EPPK1: variants seen among roughly 807,000 people sequenced by gnomAD.
EPPK1 encodes the protein epiplakin.
For synonymous variants in EPPK1, 1,862 were observed against 1,721.2 expected (o/e 1.08, Z -2.03); for missense variants, 3,823 against 3,673.3 (o/e 1.04, Z -1.05).
Position 143,873,179 on chromosome 8 carries a change from G to C in EPPK1, c.75C>G (p.Ala25=), listed in dbSNP as rs376669804. 1 of 1,596,118 alleles carries C rather than the reference G, an allele frequency of 6.3e-7. No individual in the cohort carries two copies. Among genetic ancestry groups the C allele is most frequent in the South Asian group, 1.1e-5 (1 of 88,536 alleles). The change falls in exon 2 of 2, where the codon GCC becomes GCG. Residue 25 remains alanine, a synonymous_variant. Transcript: ENST00000615648. ...NSTEQASVPR[A]MAATLGAGTP... is the part of the protein sequence containing the mutation. ...TGCCGGCTCCCAGCGTGGCTGCCAT[G>C]GCTCTGGGTACACTGGCCTGCTCTG...
At position 143,870,587 on chromosome 8, in the gene EPPK1, G is replaced by A; in HGVS notation, c.2667C>T (p.Val889=). 1.2e-6 allele frequency: 2 copies of A among 1,609,966 alleles called. No individual in the cohort carries two copies. The highest frequency in any genetic ancestry group is 1.7e-6 in the Non-Finnish European group (2 of 1,178,924). ...TGATACCGGCCTCCAGGAGCTGGTG[G>A]ACGGTGACCCGGCTCCGCAGTGCGG... is the stretch of plus-strand genomic sequence containing the variant. ...MLPALRSRVT[V]HQLLEAGIID... is the part of the protein sequence containing the mutation. The change falls in exon 2 of 2, where the codon GTC becomes GTT. Residue 889 remains valine, a synonymous_variant. Coordinates refer to ENST00000615648, the MANE Select transcript of EPPK1 (RefSeq NM_031308.4). The surrounding 1 kb of genome is among the most constrained non-coding windows in gnomAD (Gnocchi z 5.2).
chr8:143,868,009 C>G lies in EPPK1; in HGVS notation c.5245G>C (p.Asp1749His), dbSNP rs1465476273. 4.3e-6 allele frequency: 7 copies of G among 1,613,562 alleles called. No homozygotes were observed. The highest frequency in any genetic ancestry group is 1.7e-5 in the Admixed American group (1 of 59,998). Reference sequence around the variant, plus strand: ...AGCAGGTACAGGCCCGTCTCGGGGTCCTCCACACAGCGCTCCAGAAGCTGC... The same window carrying G: ...AGCAGGTACAGGCCCGTCTCGGGGTGCTCCACACAGCGCTCCAGAAGCTGC... Reference protein sequence around the residue: ...YLQLLERCVEDPETGLYLLQI... With the variant: ...YLQLLERCVEHPETGLYLLQI... The change falls in exon 2 of 2, where the codon GAC becomes CAC. Residue 1749 changes from aspartate to histidine, a missense_variant. Asp to His is a moderately conservative substitution (Grantham distance 81). Transcript: ENST00000615648.
At chr8:143,874,372 G>A (rs1819440275) in intron 1 of EPPK1, among the ~76,000 whole-genome samples, 1 of 152,260 alleles carries the variant, frequency 6.6e-6, no homozygotes, top group African/African-American at 2.4e-5. Context: ...TTGGAAATAG[G>A]ATCTTTGCAG....
chr8:143,867,619 C>A lies in EPPK1; in HGVS notation c.5635G>T (p.Gly1879Trp). ...TCCAGCGTGCTGAGTGCCTGTCCCC[C>A]AGTCCTCCCCACACGAAGTGTGTGC... is the stretch of plus-strand genomic sequence containing the variant. ...TLHTLRVGRT[G>W]GQALSTLECV... Residue 1879 changes from glycine to tryptophan, a missense_variant, in exon 2 of 2, where the codon GGG becomes TGG. Physicochemically the swap from Gly to Trp is radical, Grantham distance 184. Coordinates refer to ENST00000615648, the MANE Select transcript of EPPK1 (RefSeq NM_031308.4). 6.2e-7 allele frequency: 1 copy of A among 1,613,308 alleles called. No homozygotes were observed. The highest frequency in any genetic ancestry group is 8.5e-7 in the Non-Finnish European group (1 of 1,179,872).
Position 143,870,984 on chromosome 8 carries a change from A to G in EPPK1, c.2270T>C (p.Leu757Pro), listed in dbSNP as rs1328168315. The change falls in exon 2 of 2, where the codon CTG becomes CCG. Residue 757 changes from leucine to proline, a missense_variant. Leu to Pro is a moderately conservative substitution (Grantham distance 98, BLOSUM62 -3). Transcript: ENST00000615648. The surrounding 1 kb of genome is among the most constrained non-coding windows in gnomAD (Gnocchi z 5.2). ...CTTGGTGTCGTCAGAAGGGTCCAAC[A>G]GGATCAAGTTCAGCATCTGATCGAA... The part of the protein sequence containing the change: ...GYFDQMLNLI[L>P]LDPSDDTKGF... 6.2e-6 allele frequency: 10 copies of G among 1,613,334 alleles called. No homozygotes were observed. The highest frequency in any genetic ancestry group is 3.3e-5 in the Admixed American group (2 of 60,008).
rs1282693786 is a variant in EPPK1 at position 143,867,598 on chromosome 8, G to A, written c.5656C>T (p.Leu1886=). ...TCCAGATAGGGCTTCACACACTCCA[G>A]CGTGCTGAGTGCCTGTCCCCCAGTC... ...GRTGGQALST[L]ECVKPYLEGS... Residue 1886 remains leucine, a synonymous_variant, in exon 2 of 2, where the codon CTG becomes TTG. Coordinates refer to ENST00000615648, the MANE Select transcript of EPPK1 (RefSeq NM_031308.4). 1.2e-6 allele frequency: 2 copies of A among 1,613,156 alleles called. No homozygotes were observed. Among genetic ancestry groups the A allele is most frequent in the Admixed American group, 1.7e-5 (1 of 60,016 alleles).
rs1554660032 is a variant in EPPK1 at position 143,868,684 on chromosome 8, G to A, written c.4570C>T (p.Leu1524Phe). 4.4e-6 allele frequency: 7 copies of A among 1,580,692 alleles called. No homozygotes were observed. In the East Asian group the frequency reaches 1.6e-4, roughly 37 times the overall value. The change falls in exon 2 of 2, where the codon CTC becomes TTC. Residue 1524 changes from leucine (L) to phenylalanine (F), a missense_variant. Leu to Phe is a conservative substitution (Grantham distance 22, BLOSUM62 0). Coordinates refer to ENST00000615648, the MANE Select transcript of EPPK1 (RefSeq NM_031308.4). ...RQPLQATFRG[L>F]RKQVSARDLF... The stretch of plus-strand genomic sequence containing the variant: ...TCCCTGGCTGACACCTGCTTCCGGA[G>A]CCCTCTGAAGGTGGCCTGCAGGGGC...
chr8:143,867,622 T>A lies in EPPK1; in HGVS notation c.5632A>T (p.Thr1878Ser). ...KTLHTLRVGR[T>S]GGQALSTLEC... ...AGCGTGCTGAGTGCCTGTCCCCCAG[T>A]CCTCCCCACACGAAGTGTGTGCAGG... Residue 1878 changes from threonine (T) to serine (S), a missense_variant, in exon 2 of 2, where the codon ACT becomes TCT. By Grantham distance (58) the Thr-to-Ser change is moderately conservative. Coordinates refer to ENST00000615648, the MANE Select transcript of EPPK1 (RefSeq NM_031308.4). 1 of 1,613,242 alleles carries A rather than the reference T, an allele frequency of 6.2e-7. No individual in the cohort carries two copies. Among genetic ancestry groups the A allele is most frequent in the Non-Finnish European group, 8.5e-7 (1 of 1,179,850 alleles).
Position 143,867,208 on chromosome 8 carries a change from C to A in EPPK1, c.6046G>T (p.Val2016Phe), listed in dbSNP as rs782200809. The change falls in exon 2 of 2, where the codon GTC becomes TTC. Residue 2016 changes from valine to phenylalanine, a missense_variant. By Grantham distance (50) the Val-to-Phe change is conservative. Transcript: ENST00000615648. ...LLEVQVATGGVIDPQHHHRLP... is the reference protein window; with the variant it reads ...LLEVQVATGGFIDPQHHHRLP... ...CGGTGGTGGTGCTGTGGGTCGATGA[C>A]ACCCCCCGTGGCCACCTGCACCTCC... 1 of 1,612,770 alleles carries A rather than the reference C, an allele frequency of 6.2e-7. No homozygotes were observed. The highest frequency in any genetic ancestry group is 2.2e-5 in the East Asian group (1 of 44,888).
chr8:143,866,396 G>C lies in EPPK1; in HGVS notation c.6858C>G (p.Ala2286=). The change falls in exon 2 of 2, where the codon GCC becomes GCG. Residue 2286 remains alanine, a synonymous_variant. Transcript: ENST00000615648. ...VRNLRLSVEE[A]VAAGVVGGEI... ...CGCCGCCCACCACGCCCGCGGCCAC[G>C]GCCTCCTCCACCGACAGCCTCAGGT... 1.9e-6 allele frequency: 2 copies of C among 1,072,424 alleles called. No individual in the cohort carries two copies. The highest frequency in any genetic ancestry group is 1.3e-6 in the Non-Finnish European group (1 of 780,328). 66.4% of individuals were successfully genotyped at this position (1,072,424 alleles called of 1,614,324 possible).
rs1281067747 is a variant in EPPK1 at position 143,866,589 on chromosome 8, C to T, written c.6665G>A (p.Gly2222Asp). 5.6e-6 allele frequency: 9 copies of T among 1,612,100 alleles called. No individual in the cohort carries two copies. In the African/African-American group the frequency reaches 1.1e-4, roughly 19 times the overall value. Reference sequence around the variant, plus strand: ...CAGGACGCCCGCGATGCAGCTGGTGCCCTCCAGGTAGCGCTTGACGCGGTC... The same window carrying T: ...CAGGACGCCCGCGATGCAGCTGGTGTCCTCCAGGTAGCGCTTGACGCGGTC... ...EDDRVKRYLE[G>D]TSCIAGVLVP... Residue 2222 changes from glycine (G) to aspartate (D), a missense_variant, in exon 2 of 2, where the codon GGC becomes GAC. Transcript: ENST00000615648.
rs1554657997 is a variant in EPPK1 at position 143,858,124 on chromosome 8, G to C, written c.15130C>G (p.Leu5044Val). 1.2e-6 allele frequency: 2 copies of C among 1,613,422 alleles called. No homozygotes were observed. The highest frequency in any genetic ancestry group is 1.1e-5 in the South Asian group (1 of 91,092). ...TTGGTGTCGTCGCTGGGGTCGGCCAGGACGCGGTTCATCTCCTCGTCGAAG... is the reference window on the plus strand; with the variant it reads ...TTGGTGTCGTCGCTGGGGTCGGCCACGACGCGGTTCATCTCCTCGTCGAAG... ...GYFDEEMNRVLADPSDDTKGF... is the reference protein window; with the variant it reads ...GYFDEEMNRVVADPSDDTKGF... Residue 5044 changes from leucine to valine, a missense_variant, in exon 2 of 2, where the codon CTG (leucine) becomes GTG (valine). Physicochemically the swap from Leu to Val is conservative, Grantham distance 32. Transcript: ENST00000615648.
At chr8:143,874,867 G>A (rs1034189353) in intron 1 of EPPK1, among the ~76,000 whole-genome samples, 6 of 151,908 alleles carry the variant, frequency 3.9e-5, no homozygotes, top group Non-Finnish European at 7.4e-5. Flanking sequence ...CGGATCCCAC[G>A]TTTGACCCCC....
rs368668109 is a variant in EPPK1 at position 143,868,817 on chromosome 8, G to A, written c.4437C>T (p.Gly1479=). Residue 1479 remains glycine (G), a synonymous_variant, in exon 2 of 2, where the codon GGC becomes GGT. Transcript: ENST00000615648. ...LWDLLLSEYV[G]ADKRRELVAL... ...CCACCAGCTCCCGCCGCTTGTCAGC[G>A]CCAACGTATTCGGAGAGCAGCAGGT... is the stretch of plus-strand genomic sequence containing the variant. 33 of 1,605,024 alleles carry A rather than the reference G, an allele frequency of 2.1e-5. No homozygotes were observed. The Middle Eastern group carries it at 8.3e-4, about 40-fold the overall frequency.
In EPPK1 at chr8:143,866,779, A is replaced by C. The variant is rs782080570; in HGVS notation, c.6475T>G (p.Leu2159Val). The change falls in exon 2 of 2, where the codon TTA (leucine) becomes GTA (valine). Residue 2159 changes from leucine to valine, a missense_variant. By Grantham distance (32) the Leu-to-Val change is conservative. Transcript: ENST00000615648. ...RALQTVAQLI[L>V]ELIEKQETSN... ...GTTTCCTGCTTCTCGATCAACTCTA[A>C]GATGAGCTGCGCTACCGTCTGCAGT... 6.2e-7 allele frequency: 1 copy of C among 1,613,492 alleles called. No homozygotes were observed. Among genetic ancestry groups the C allele is most frequent in the South Asian group, 1.1e-5 (1 of 91,082 alleles).
intron 1 of EPPK1, among the ~76,000 whole-genome samples, chr8:143,874,487 C>T (rs1185551006): frequency 2.0e-5 from 3 of 152,168 alleles, no homozygotes; most frequent in Admixed American, 6.5e-5. Flanking sequence ...GGCCGTGTGA[C>T]GACAGAGGCA....
intron 1 of EPPK1, among the ~76,000 whole-genome samples, chr8:143,877,194 G>A (rs1056644539): frequency 7.2e-5 from 11 of 152,186 alleles, no homozygotes; most frequent in African/African-American, 2.7e-4. Context: ...CTTGGGCCTG[G>A]TATGAACCCC....
In EPPK1 at chr8:143,870,093, C is replaced by T; in HGVS notation, c.3161G>A (p.Ser1054Asn). 1 of 1,610,384 alleles carries T rather than the reference C, an allele frequency of 6.2e-7. No individual in the cohort carries two copies. Among genetic ancestry groups the T allele is most frequent in the South Asian group, 1.1e-5 (1 of 90,620 alleles). Residue 1054 changes from serine (S) to asparagine (N), a missense_variant, in exon 2 of 2, where the codon AGC becomes AAC. Transcript: ENST00000615648. This position sits in a 1 kb window ranked among gnomAD's most constrained non-coding sequence, Gnocchi z 5.2. ...VATGGIIDPT[S>N]HHHLPMPVAI... ...CACTGGCATGGGGAGGTGGTGGTGG[C>T]TGGTGGGGTCAATGATCCCTCCTGT...
Position 143,868,418 on chromosome 8 carries a change from G to A in EPPK1, c.4836C>T (p.Gly1612=). The change falls in exon 2 of 2, where the codon GGC becomes GGT. Residue 1612 remains glycine (G), a synonymous_variant. Coordinates refer to ENST00000615648, the MANE Select transcript of EPPK1 (RefSeq NM_031308.4). ...GGTTCTCCACGGGGTCGATGATGAA[G>A]CCGGTAGCTGCCTGTGCCTCCAGCA... is the stretch of plus-strand genomic sequence containing the variant. ...LVLLEAQAAT[G]FIIDPVENRK... 1.2e-6 allele frequency: 2 copies of A among 1,612,530 alleles called. No homozygotes were observed. Among genetic ancestry groups the A allele is most frequent in the Admixed American group, 3.3e-5 (2 of 60,016 alleles).
Sources: gnomAD v4.1 joint callset for allele counts (sites outside exome capture counted in the v4.1 genomes callset) on GRCh38, gnomAD v4.1.1 for gene constraint, Gnocchi (gnomAD v3.1) non-coding constraint, MANE v1.5 for transcripts, NCBI Gene and HGNC (gene_info 2026-07-23, HGNC 2026-07-21) for gene names.